Variants in BAZ2B observed in about 807,000 individuals in gnomAD.
The protein encoded by BAZ2B is bromodomain adjacent to zinc finger domain 2B.
BAZ2B carries 91 observed loss-of-function variants against 246.0 expected under a neutral mutation model. That is an observed-to-expected ratio of 0.37 (90% CI 0.31 to 0.44). The LOEUF (loss-of-function observed/expected upper bound fraction) is 0.44. Ranked by LOEUF, BAZ2B falls within the 20% of genes least tolerant of loss-of-function variation. BAZ2B has a pLI of 1.00. For missense variants in BAZ2B, 2,332 were observed against 2,533.7 expected, an observed-to-expected ratio of 0.92 and a Z score of 1.71; for synonymous variants, 855 against 860.0, an observed-to-expected ratio of 0.99 and a Z score of 0.10.
chr2:159,440,130 T>C (rs2073109851), intron 6 of BAZ2B, among the ~76,000 whole-genome samples: 1 of 152,130 alleles, frequency 6.6e-6, no homozygotes, highest in African/African-American at 2.4e-5. Context: ...TTATTGAAAA[T>C]ATTCATAATT....
chr2:159,559,436 C>T (rs866213862), intron 1 of BAZ2B, among the ~76,000 whole-genome samples: 1 of 152,102 alleles, frequency 6.6e-6, no homozygotes, highest in Non-Finnish European at 1.5e-5. Flanking sequence ...CCCTGTGATA[C>T]AAAACAGGTA....
intron 2 of BAZ2B, among the ~76,000 whole-genome samples, chr2:159,535,429 A>G (rs983848332): frequency 2.0e-5 from 3 of 152,326 alleles, no homozygotes; most frequent in Admixed American, 2.0e-4. Context: ...GTCTGAGGCA[A>G]AAGAACTGCT....
chr2:159,438,254 CTA>C (rs1353891616), intron 8 of BAZ2B, 47 bp downstream of exon 8: 2 of 1,497,162 alleles, frequency 1.3e-6, no homozygotes, highest in Non-Finnish European at 1.8e-6. Flanking sequence ...TATAGAAGCT[CTA>C]TCTTTCTCTA....
At chr2:159,471,630 T>A (rs1009858187) in intron 3 of BAZ2B, among the ~76,000 whole-genome samples, 2 of 152,132 alleles carry the variant, frequency 1.3e-5, no homozygotes, top group Admixed American at 6.5e-5. Context: ...TATACTGCTT[T>A]TTTTAGGATG....
chr2:159,618,533 G>C (rs938636960), upstream of BAZ2B, among the ~76,000 whole-genome samples: 1 of 151,996 alleles, frequency 6.6e-6, no homozygotes, highest in Non-Finnish European at 1.5e-5. Context: ...AATGCACTTA[G>C]TATCTAAGAC....
intron 27 of BAZ2B, among the ~76,000 whole-genome samples, chr2:159,371,382 G>A (rs534552315): frequency 1.3e-5 from 2 of 151,448 alleles, no homozygotes; most frequent in South Asian, 2.1e-4. Flanking sequence ...GGCCTCAAGT[G>A]ATCTGTCTGC....
intron 3 of BAZ2B, among the ~76,000 whole-genome samples, chr2:159,471,159 G>A (rs984413803): frequency 6.6e-6 from 1 of 152,210 alleles, no homozygotes; most frequent in South Asian, 2.1e-4. Context: ...GAGGTTGAAT[G>A]AGATGAGGCT....
At chr2:159,651,761 C>G in the BAZ2B span, among the ~76,000 whole-genome samples, 1 of 152,048 alleles carries the variant, frequency 6.6e-6, no homozygotes, top group Non-Finnish European at 1.5e-5. Context: ...GTGGACTTTG[C>G]CTATTCCACA....
intron 2 of BAZ2B, among the ~76,000 whole-genome samples, chr2:159,501,428 G>C (rs2081826096): frequency 6.7e-6 from 1 of 148,416 alleles, no homozygotes. Flanking sequence ...CACACACTGT[G>C]TGTGTGCGTT....
chr2:159,588,766 C>G (rs540877851), intron 1 of BAZ2B, among the ~76,000 whole-genome samples: 1 of 152,160 alleles, frequency 6.6e-6, no homozygotes, highest in Admixed American at 6.5e-5. Flanking sequence ...CTCTTTTTGA[C>G]TTTATTTACA....
chr2:159,679,180 G>T, the BAZ2B span, among the ~76,000 whole-genome samples: 15 of 147,366 alleles, frequency 1.0e-4, 1 homozygote, highest in Admixed American at 9.1e-4. Flanking sequence ...GCTGAGGCAG[G>T]AGAATGGCGT....
chr2:159,484,452 GCTCACTCATAC>G (rs1577633613), intron 2 of BAZ2B, among the ~76,000 whole-genome samples: 1 of 152,144 alleles, frequency 6.6e-6, no homozygotes, highest in East Asian at 1.9e-4. Context: ...ACATCACAAT[GCTCACTCATAC>G]TGGGTAACAT....
intron 31 of BAZ2B, among the ~76,000 whole-genome samples, chr2:159,345,479 T>G (rs1008844709): frequency 6.6e-6 from 1 of 152,192 alleles, no homozygotes; most frequent in African/African-American, 2.4e-5. Flanking sequence ...TAAAACAATT[T>G]ATGAAGCAAA....
At chr2:159,437,770 A>T (rs2072655648) in intron 8 of BAZ2B, 1 of 152,562 alleles carries the variant, frequency 6.6e-6, no homozygotes, top group Non-Finnish European at 1.5e-5. Flanking sequence ...TACAAAAATT[A>T]GCCTGGTGTC....
intron 32 of BAZ2B, 109 bp from the exon 33 acceptor site, chr2:159,337,186 C>T: frequency 7.3e-7 from 1 of 1,364,080 alleles, no homozygotes; most frequent in South Asian, 1.3e-5. Flanking sequence ...CATGTAACAG[C>T]CAATAAGTAT....
intron 14 of BAZ2B, among the ~76,000 whole-genome samples, chr2:159,409,967 TA>T (rs2066568391): frequency 1.3e-5 from 2 of 152,354 alleles, no homozygotes; most frequent in African/African-American, 4.8e-5. Flanking sequence ...AAAAGTTGAA[TA>T]ATTAACTTCT....
chr2:159,679,521 T>C, the BAZ2B span, among the ~76,000 whole-genome samples: 280 of 152,262 alleles, frequency 1.8e-3, no homozygotes, highest in Non-Finnish European at 2.2e-3. Context: ...GCCAACTAGG[T>C]TCTCTTCTGT....
the BAZ2B span, among the ~76,000 whole-genome samples, chr2:159,696,345 A>G: frequency 3.3e-5 from 5 of 152,118 alleles, no homozygotes; most frequent in African/African-American, 1.2e-4. Flanking sequence ...TCCTCCAATT[A>G]AAAAAATATT....
At chr2:159,646,930 T>C in the BAZ2B span, among the ~76,000 whole-genome samples, 3 of 152,234 alleles carry the variant, frequency 2.0e-5, no homozygotes, top group Non-Finnish European at 4.4e-5. Flanking sequence ...TATTCATGAT[T>C]ATTTATGTGT....
Sources: allele counts gnomAD v4.1 joint callset (sites outside exome capture counted in the v4.1 genomes callset), GRCh38; gene constraint gnomAD v4.1.1; transcripts MANE v1.5; gene names NCBI Gene and HGNC (gene_info 2026-07-23, HGNC 2026-07-21).